OPCML: variants seen among roughly 807,000 people sequenced by gnomAD.
The protein encoded by OPCML is opioid-binding protein/cell adhesion molecule.
OPCML carries 13 observed loss-of-function variants against 37.8 expected under a neutral mutation model. The ratio of observed to expected loss-of-function variants is 0.34; its 90% confidence interval spans 0.22 to 0.55. The LOEUF (loss-of-function observed/expected upper bound fraction) is 0.55. Ranked by LOEUF, OPCML falls within the 20% of genes least tolerant of loss-of-function variation. The pLI, the probability that OPCML is intolerant of heterozygous loss-of-function variation, is 0.91. For synonymous variants in OPCML, 176 were observed against 168.8 expected (o/e 1.04, Z -0.33); for missense variants, 341 against 435.6 (o/e 0.78, Z 1.93).
chr11:132,824,701 C>A (rs1391494659), intron 2 of OPCML, among the ~76,000 whole-genome samples: 1 of 152,114 alleles, frequency 6.6e-6, no homozygotes, highest in Non-Finnish European at 1.5e-5. Flanking sequence ...TCTTTCTAAT[C>A]CAAAAATAAG....
chr11:133,286,832 C>T (rs1156651926), intron 1 of OPCML, among the ~76,000 whole-genome samples: 2 of 152,184 alleles, frequency 1.3e-5, no homozygotes, highest in Non-Finnish European at 1.5e-5. Context: ...ATAATAATTG[C>T]ATACATGAAC....
At chr11:132,556,998 T>C (rs1204327219) in intron 3 of OPCML, among the ~76,000 whole-genome samples, 3 of 152,224 alleles carry the variant, frequency 2.0e-5, no homozygotes, top group African/African-American at 7.2e-5. Context: ...CCCGTGTTCC[T>C]GGCTGAAAAT....
At chr11:132,860,222 C>G (rs1942242866) in intron 2 of OPCML, 1 of 152,158 alleles carries the variant, frequency 6.6e-6, no homozygotes, top group Non-Finnish European at 1.5e-5. Context: ...TCTGTTGATG[C>G]CTTTCTATTG....
chr11:132,972,864 G>T (rs1455410787), intron 1 of OPCML, among the ~76,000 whole-genome samples: 6 of 152,242 alleles, frequency 3.9e-5, no homozygotes, highest in Non-Finnish European at 8.8e-5. Context: ...TCATTCCACA[G>T]ACCAGAAGTT....
At chr11:132,888,497 T>TC (rs5795808) in intron 2 of OPCML, among the ~76,000 whole-genome samples, 22,543 of 151,896 alleles carry the variant, frequency 0.15, 2,206 homozygotes, top group African/African-American at 0.27. Flanking sequence ...TTTCAGTTTC[T>TC]CCCCCCACGC....
At chr11:132,524,461 A>G (rs918052184) in intron 4 of OPCML, among the ~76,000 whole-genome samples, 8 of 152,212 alleles carry the variant, frequency 5.3e-5, no homozygotes, top group African/African-American at 1.9e-4. Flanking sequence ...GCAGATCTAT[A>G]TAAATATTTT....
chr11:132,985,918 T>A (rs1350994909), intron 1 of OPCML, among the ~76,000 whole-genome samples: 1 of 152,224 alleles, frequency 6.6e-6, no homozygotes, highest in Non-Finnish European at 1.5e-5. Context: ...ATTTCTACCT[T>A]TTTCACAAGT....
Position 133,488,243 on chromosome 11 carries a change from A to G in OPCML, c.61+44021T>C, listed in dbSNP as rs573846231. ...CACTTTTATCATTTCTATTCTCCAT[A>G]GTACTGGAAGTCCTTGCCAGAACAA... On this transcript the variant is annotated intron_variant, in intron 1 of 7. Transcript: ENST00000524381. Among the ~76,000 whole-genome samples, 21 of 152,262 alleles carry G rather than the reference A, an allele frequency of 1.4e-4. 1 individual carries two copies. In the South Asian group the frequency reaches 3.9e-3, roughly 29 times the overall value.
At chr11:132,557,634 A>C (rs2096398825) in intron 3 of OPCML, among the ~76,000 whole-genome samples, 2 of 152,204 alleles carry the variant, frequency 1.3e-5, no homozygotes, top group South Asian at 4.1e-4. Flanking sequence ...TGCCTGATTC[A>C]TGACACTCAT....
intron 2 of OPCML, among the ~76,000 whole-genome samples, chr11:132,924,012 C>T (rs926063282): frequency 2.6e-5 from 4 of 151,784 alleles, no homozygotes; most frequent in African/African-American, 9.7e-5. Flanking sequence ...ATCCGCCCGC[C>T]TCGGCCTCCC....
intron 1 of OPCML, among the ~76,000 whole-genome samples, chr11:133,109,362 C>T (rs569105870): frequency 1.2e-3 from 186 of 152,196 alleles, no homozygotes; most frequent in African/African-American, 4.2e-3. Context: ...TGGGGGTGGT[C>T]GGCTTTTATT....
chr11:132,699,210 C>G (rs1943714115), intron 2 of OPCML, among the ~76,000 whole-genome samples: 1 of 151,878 alleles, frequency 6.6e-6, no homozygotes, highest in East Asian at 1.9e-4. Flanking sequence ...ATTTTTTATC[C>G]AGTAACTTTA....
chr11:132,557,613 T>G (rs1252883283), intron 3 of OPCML, among the ~76,000 whole-genome samples: 1 of 152,228 alleles, frequency 6.6e-6, no homozygotes, highest in Non-Finnish European at 1.5e-5. Flanking sequence ...GAAAGCTTTC[T>G]TAGTTAACAT....
chr11:132,574,057 G>C (rs919831061), intron 3 of OPCML, among the ~76,000 whole-genome samples: 1 of 151,666 alleles, frequency 6.6e-6, no homozygotes, highest in Admixed American at 6.6e-5. Flanking sequence ...ATTTTAAATG[G>C]TGCCAGATGT....
In OPCML at chr11:133,212,948, C is replaced by A. The variant is rs1221682077; in HGVS notation, c.62-269938G>T. Among the ~76,000 whole-genome samples the A allele has an allele frequency of 1.3e-5, 2 of 152,148 alleles. No homozygotes were observed. Among genetic ancestry groups the A allele is most frequent in the East Asian group, 1.9e-4 (1 of 5,198 alleles). On this transcript the variant is annotated intron_variant, in intron 1 of 7. Transcript: ENST00000524381. This position sits in a 1 kb window ranked among gnomAD's most constrained non-coding sequence, Gnocchi z 4.9. ...CTGGTGGTACCTCAAAAGCTCCAAACAATTATGTTGATGATACTGGGCTGG... is the reference window on the plus strand; with the variant it reads ...CTGGTGGTACCTCAAAAGCTCCAAAAAATTATGTTGATGATACTGGGCTGG...
At chr11:133,221,464 G>A (rs190675451) in intron 1 of OPCML, among the ~76,000 whole-genome samples, 16 of 152,300 alleles carry the variant, frequency 1.1e-4, no homozygotes, top group African/African-American at 3.1e-4. Flanking sequence ...AGTTGTTTAA[G>A]GTGTCAATTT....
intron 1 of OPCML, among the ~76,000 whole-genome samples, chr11:133,372,537 A>C (rs1363102848): frequency 6.6e-6 from 1 of 152,244 alleles, no homozygotes; most frequent in African/African-American, 2.4e-5. Flanking sequence ...ATTTAACTTC[A>C]ATGAAGCTTA....
At chr11:133,362,398 T>A (rs1944442880) in intron 1 of OPCML, among the ~76,000 whole-genome samples, 6 of 152,112 alleles carry the variant, frequency 3.9e-5, no homozygotes, top group Admixed American at 3.9e-4. Context: ...CCGCCTCCCC[T>A]CGGAGGCTGC....
chr11:133,387,657 G>A (rs982619791), intron 1 of OPCML, among the ~76,000 whole-genome samples: 9 of 152,134 alleles, frequency 5.9e-5, no homozygotes, highest in Non-Finnish European at 1.0e-4. Context: ...TTCAGTGATC[G>A]CTGTATTCCA....
Sources: gnomAD v4.1 joint callset for allele counts (sites outside exome capture counted in the v4.1 genomes callset) on GRCh38, gnomAD v4.1.1 for gene constraint, Gnocchi (gnomAD v3.1) non-coding constraint, MANE v1.5 for transcripts, NCBI Gene and HGNC (gene_info 2026-07-23, HGNC 2026-07-21) for gene names.